The following ASTN2 variants were observed in gnomAD, a reference collection of about 807,000 sequenced individuals.
ASTN2 encodes astrotactin-2.
A neutral mutation model predicts 139.8 loss-of-function variants in ASTN2; 54 were observed. The observed-to-expected ratio is 0.39, with a 90% CI of 0.31 to 0.48. ASTN2 has a LOEUF of 0.48. ASTN2 is among the 20% of genes least tolerant of loss of function. The pLI, the probability that ASTN2 is intolerant of heterozygous loss-of-function variation, is 0.95. For synonymous variants in ASTN2, 756 were observed against 719.5 expected (o/e 1.05, Z -0.81); for missense variants, 1,565 against 1,725.1 (o/e 0.91, Z 1.64).
chr9:116,761,067 C>A (rs1010616912), intron 13 of ASTN2, among the ~76,000 whole-genome samples: 2 of 152,200 alleles, frequency 1.3e-5, no homozygotes, highest in Non-Finnish European at 2.9e-5. Flanking sequence ...CGGGGAATAG[C>A]TAACTGTCCT....
At chr9:117,323,975 A>G (rs956605957) in intron 1 of ASTN2, among the ~76,000 whole-genome samples, 11 of 152,290 alleles carry the variant, frequency 7.2e-5, no homozygotes, top group African/African-American at 9.6e-5. Context: ...AGGGGACACA[A>G]TGATAAATAA....
In ASTN2 at chr9:117,256,973, A is replaced by G. The variant is rs549623954; in HGVS notation, c.630+34353T>C. Among the ~76,000 whole-genome samples the G allele has an allele frequency of 2.0e-5, 3 of 152,334 alleles. No homozygotes were observed. The South Asian group carries it at 6.2e-4, about 32-fold the overall frequency. On this transcript the variant is annotated intron_variant, in intron 2 of 22. Transcript: ENST00000313400. Reference sequence around the variant, plus strand: ...TGATCCAAAAGATGTTTAGCTGGAAAAAAAAAAGGAGACAGAAGAAGACTT... The same window carrying G: ...TGATCCAAAAGATGTTTAGCTGGAAGAAAAAAAGGAGACAGAAGAAGACTT...
intron 7 of ASTN2, among the ~76,000 whole-genome samples, chr9:116,977,667 G>A (rs556855921): frequency 2.3e-4 from 34 of 150,298 alleles, no homozygotes; most frequent in Admixed American, 7.3e-4. Flanking sequence ...ACTCCCAGCT[G>A]TTGTCATATC....
In ASTN2 at chr9:117,307,563, G is replaced by T. The variant is rs574344645; in HGVS notation, c.443-16050C>A. Reference sequence around the variant, plus strand: ...TCCCACATGCATGCTCCTGTAATGTGCTCACTAGGTTCGCCCACATATGTA... The same window carrying T: ...TCCCACATGCATGCTCCTGTAATGTTCTCACTAGGTTCGCCCACATATGTA... On this transcript the variant is annotated intron_variant, in intron 1 of 22. Coordinates refer to ENST00000313400, the MANE Select transcript of ASTN2 (RefSeq NM_001365068.1). Among the ~76,000 whole-genome samples, 16 of 152,278 alleles carry T rather than the reference G, an allele frequency of 1.1e-4. No homozygotes were observed. In the East Asian group the frequency reaches 3.1e-3, roughly 29 times the overall value.
intron 11 of ASTN2, among the ~76,000 whole-genome samples, chr9:116,827,516 T>C (rs1831673217): frequency 6.6e-6 from 1 of 151,554 alleles, no homozygotes; most frequent in South Asian, 2.1e-4. Flanking sequence ...GAGAGAAGAC[T>C]CAAATAAATA....
At chr9:117,399,755 C>G (rs1249258186) in intron 1 of ASTN2, among the ~76,000 whole-genome samples, 1 of 152,132 alleles carries the variant, frequency 6.6e-6, no homozygotes, top group East Asian at 1.9e-4. Flanking sequence ...GGTCTTAACA[C>G]CAGGCAGAGA....
At chr9:116,572,680 T>C (rs1045301513) in intron 19 of ASTN2, among the ~76,000 whole-genome samples, 1 of 152,206 alleles carries the variant, frequency 6.6e-6, no homozygotes, top group African/African-American at 2.4e-5. Flanking sequence ...TCCCAATTTA[T>C]GTTTGAGGAA....
chr9:116,728,930 G>C, intron 15 of ASTN2, 62 bp downstream of exon 15: 1 of 1,383,160 alleles, frequency 7.2e-7, no homozygotes, highest in South Asian at 1.3e-5. Context: ...CACATGCTAG[G>C]TCCTTGGCAA....
At chr9:117,393,130 A>G (rs1014114261) in intron 1 of ASTN2, among the ~76,000 whole-genome samples, 5 of 152,204 alleles carry the variant, frequency 3.3e-5, no homozygotes, top group Admixed American at 2.0e-4. Flanking sequence ...TCAGCCAAGA[A>G]TCTCACTTCT....
chr9:117,359,864 AAG>A (rs1300676518), intron 1 of ASTN2, among the ~76,000 whole-genome samples: 1 of 152,206 alleles, frequency 6.6e-6, no homozygotes, highest in Non-Finnish European at 1.5e-5. Context: ...AAAGTAGGGA[AAG>A]AGAGAAATGA....
intron 10 of ASTN2, among the ~76,000 whole-genome samples, chr9:116,891,665 T>C (rs1458292280): frequency 4.6e-5 from 7 of 152,240 alleles, no homozygotes; most frequent in African/African-American, 1.7e-4. Flanking sequence ...ACTTAACATT[T>C]GGCCTCTAGT....
At chr9:117,405,467 C>T (rs904546695) in intron 1 of ASTN2, among the ~76,000 whole-genome samples, 4 of 152,194 alleles carry the variant, frequency 2.6e-5, no homozygotes, top group African/African-American at 7.2e-5. Context: ...GTACATGTTA[C>T]ATAAAATGGT....
intron 3 of ASTN2, among the ~76,000 whole-genome samples, chr9:117,144,418 G>A (rs759903419): frequency 6.6e-6 from 1 of 152,110 alleles, no homozygotes; most frequent in African/African-American, 2.4e-5. Context: ...TCCAACCTGC[G>A]GCCCAGGGGC....
intron 10 of ASTN2, among the ~76,000 whole-genome samples, chr9:116,903,826 C>T (rs1834084786): frequency 6.6e-6 from 1 of 152,192 alleles, no homozygotes; most frequent in Admixed American, 6.5e-5. Context: ...GGCCTGTTTA[C>T]CTCTACATCA....
At chr9:117,000,194 T>G (rs1455296462) in intron 7 of ASTN2, among the ~76,000 whole-genome samples, 4 of 152,242 alleles carry the variant, frequency 2.6e-5, no homozygotes, top group East Asian at 1.9e-4. Context: ...CTCATCCTTA[T>G]GACAACTCTA....
At chr9:117,030,981 G>A (rs1209316989) in intron 6 of ASTN2, among the ~76,000 whole-genome samples, 1 of 152,164 alleles carries the variant, frequency 6.6e-6, no homozygotes, top group Admixed American at 6.6e-5. Context: ...CTGGGTTGGA[G>A]TTCAAGCTAT....
At chr9:117,177,797 G>A (rs541549207) in intron 3 of ASTN2, among the ~76,000 whole-genome samples, 1 of 152,324 alleles carries the variant, frequency 6.6e-6, no homozygotes, top group African/African-American at 2.4e-5. Context: ...CCTGCGACCT[G>A]TTCTCTCAGC....
intron 19 of ASTN2, among the ~76,000 whole-genome samples, chr9:116,530,308 T>C (rs970520502): frequency 1.3e-5 from 2 of 151,292 alleles, no homozygotes; most frequent in Admixed American, 6.6e-5. Flanking sequence ...GTCAAACTAA[T>C]AGAGAGTAAA....
At chr9:116,866,671 C>G (rs1176008921) in intron 10 of ASTN2, among the ~76,000 whole-genome samples, 1 of 151,888 alleles carries the variant, frequency 6.6e-6, no homozygotes, top group South Asian at 2.1e-4. Context: ...CTTTGGGAGG[C>G]CTAGATGGGC....
Sources: gnomAD v4.1 joint callset for allele counts (sites outside exome capture counted in the v4.1 genomes callset) on GRCh38, gnomAD v4.1.1 for gene constraint, MANE v1.5 for transcripts, NCBI Gene and HGNC (gene_info 2026-07-23, HGNC 2026-07-21) for gene names.